MINDY2: variants seen among roughly 807,000 people sequenced by gnomAD.
The protein encoded by MINDY2 is ubiquitin carboxyl-terminal hydrolase MINDY-2.
A neutral mutation model predicts 68.2 loss-of-function variants in MINDY2; 52 were observed. That is an observed-to-expected ratio of 0.76 (90% confidence interval 0.61 to 0.96). The LOEUF is 0.96. Ranked by LOEUF, MINDY2 falls within the 40% of genes least tolerant of loss-of-function variation. The pLI, the probability that MINDY2 is intolerant of heterozygous loss-of-function variation, is 0.00. For missense variants in MINDY2, 881 were observed against 773.4 expected (o/e 1.14, Z -1.65); for synonymous variants, 372 against 303.0 (o/e 1.23, Z -2.36).
At chr15:58,831,111 A>G (rs1158125742) in intron 5 of MINDY2, among the ~76,000 whole-genome samples, 3 of 150,762 alleles carry the variant, frequency 2.0e-5, no homozygotes, top group African/African-American at 7.3e-5. Context: ...GTATTTCAAA[A>G]ACAAAAGCCA....
At chr15:58,814,531 A>G (rs546404035) in intron 4 of MINDY2, among the ~76,000 whole-genome samples, 1 of 151,802 alleles carries the variant, frequency 6.6e-6, no homozygotes, top group Admixed American at 6.6e-5. Flanking sequence ...GGCACATGCC[A>G]CCATACCCTG....
intron 4 of MINDY2, among the ~76,000 whole-genome samples, chr15:58,814,204 T>G (rs1432666546): frequency 1.3e-5 from 2 of 152,156 alleles, no homozygotes; most frequent in African/African-American, 4.8e-5. Flanking sequence ...CCTCCCAGAG[T>G]GCTGCGATTA....
chr15:58,816,173 C>CT (rs1272758964), intron 4 of MINDY2, among the ~76,000 whole-genome samples: 3 of 151,968 alleles, frequency 2.0e-5, no homozygotes, highest in Non-Finnish European at 4.4e-5. Flanking sequence ...CTTGGCAGTG[C>CT]TTTTTTTTCA....
chr15:58,776,313 C>T (rs1035305674), intron 1 of MINDY2, among the ~76,000 whole-genome samples: 10 of 152,052 alleles, frequency 6.6e-5, no homozygotes, highest in African/African-American at 2.4e-4. Flanking sequence ...CCTCAGTCTC[C>T]CCATTCCCTC....
chr15:58,830,775 G>A lies in MINDY2; in HGVS notation c.1226-999G>A, dbSNP rs1230867801. Among the ~76,000 whole-genome samples the A allele has an allele frequency of 2.6e-5, 4 of 152,156 alleles. No individual in the cohort carries two copies. In the East Asian group the frequency reaches 5.8e-4, roughly 22 times the overall value. On this transcript the variant is annotated intron_variant, in intron 5 of 8. Coordinates refer to ENST00000559228, the MANE Select transcript of MINDY2 (RefSeq NM_001040450.3). The stretch of plus-strand genomic sequence containing the variant: ...ATGGCACTAAATAGACCATGAAAGG[G>A]ACACTTGTTTACAGTATGCGAGAGA...
intron 6 of MINDY2, among the ~76,000 whole-genome samples, chr15:58,842,445 T>C (rs1268886558): frequency 6.6e-6 from 1 of 152,202 alleles, no homozygotes; most frequent in Non-Finnish European, 1.5e-5. Context: ...ACTAAGGCCA[T>C]AGTGGAAATT....
In MINDY2 at chr15:58,857,716, T is replaced by C. The variant is rs1442620870; in HGVS notation, c.*3106T>C. On this transcript the variant is annotated 3_prime_UTR_variant, in exon 9 of 9. Transcript: ENST00000559228. ...TACTTGAAAATTCTTAGATGTATAC[T>C]GCTAACAAAAGTTAGAACTTAAACA... is the stretch of plus-strand genomic sequence containing the variant. 1.3e-5 allele frequency: 2 copies of C among 152,196 alleles called. No homozygotes were observed. The highest frequency in any genetic ancestry group is 4.8e-5 in the African/African-American group (2 of 41,456). 9.4% of individuals were successfully genotyped at this position (152,196 alleles called of 1,614,324 possible).
intron 2 of MINDY2, among the ~76,000 whole-genome samples, chr15:58,791,659 T>TGC (rs1428698126): frequency 7.0e-6 from 1 of 142,048 alleles, no homozygotes. Context: ...TGTGTGTGTG[T>TGC]GTATGTGTGT....
intron 6 of MINDY2, among the ~76,000 whole-genome samples, chr15:58,842,259 G>A (rs1376950591): frequency 6.6e-6 from 1 of 151,994 alleles, no homozygotes; most frequent in Non-Finnish European, 1.5e-5. Flanking sequence ...TTGTTTTGTT[G>A]TTGTTATTTC....
intron 1 of MINDY2, among the ~76,000 whole-genome samples, chr15:58,777,988 T>G (rs1361826029): frequency 6.6e-6 from 1 of 152,206 alleles, no homozygotes; most frequent in African/African-American, 2.4e-5. Flanking sequence ...TAAGTGCTAT[T>G]TATAGGTTTA....
At chr15:58,831,358 A>AAAACACCT (rs2031719191) in intron 5 of MINDY2, among the ~76,000 whole-genome samples, 1 of 152,130 alleles carries the variant, frequency 6.6e-6, no homozygotes, top group African/African-American at 2.4e-5. Context: ...TTTTAATTTG[A>AAAACACCT]AAACACCTTG....
intron 8 of MINDY2, among the ~76,000 whole-genome samples, chr15:58,853,423 C>G (rs2032928150): frequency 6.6e-6 from 1 of 152,078 alleles, no homozygotes; most frequent in African/African-American, 2.4e-5. Context: ...ATAGTTAAAT[C>G]CTACCATGTT....
intron 3 of MINDY2, 50 bp from the exon 4 acceptor site, chr15:58,810,179 GT>G: frequency 6.8e-7 from 1 of 1,468,944 alleles, no homozygotes; most frequent in South Asian, 1.3e-5. Context: ...TATCTTTTTT[GT>G]TCTCGTTTTG....
Position 58,810,480 on chromosome 15 carries a change from A to G in MINDY2, c.1122+92A>G, listed in dbSNP as rs371066566. On this transcript the variant is annotated intron_variant, in intron 4 of 8. Coordinates refer to ENST00000559228, the MANE Select transcript of MINDY2 (RefSeq NM_001040450.3). ...TCTCAATTTATATTTTTTGTTACTT[A>G]CTTTTTTTGTACTTTTGCCTGGAAT... 8.3e-4 allele frequency: 1,051 copies of G among 1,266,462 alleles called. 19 individuals carry two copies. In the South Asian group the frequency reaches 0.016, roughly 20 times the overall value. 78.5% of individuals were successfully genotyped at this position (1,266,462 alleles called of 1,614,324 possible). A position where few individuals can be genotyped will look rare whatever the true frequency, so the allele number is the denominator to read the frequency against.
In MINDY2 at chr15:58,816,206, G is replaced by A. The variant is rs910696759; in HGVS notation, c.1123-5511G>A. Among the ~76,000 whole-genome samples the A allele has an allele frequency of 2.6e-5, 4 of 152,232 alleles. No individual in the cohort carries two copies. The South Asian group carries it at 8.3e-4, about 32-fold the overall frequency. On this transcript the variant is annotated intron_variant, in intron 4 of 8. Coordinates refer to ENST00000559228, the MANE Select transcript of MINDY2 (RefSeq NM_001040450.3). Reference sequence around the variant, plus strand: ...TCATCTCTGTCCATTGGTAAAAGCTGCTGGGATTCAGGAGAATGGAAGGAT... The same window carrying A: ...TCATCTCTGTCCATTGGTAAAAGCTACTGGGATTCAGGAGAATGGAAGGAT...
At chr15:58,837,532 A>C (rs2032050765) in intron 6 of MINDY2, among the ~76,000 whole-genome samples, 1 of 142,232 alleles carries the variant, frequency 7.0e-6, no homozygotes, top group African/African-American at 2.8e-5. Flanking sequence ...GTGAGCCATG[A>C]TGGCACCAAA....
intron 6 of MINDY2, among the ~76,000 whole-genome samples, chr15:58,843,742 G>A (rs188561416): frequency 0.016 from 2,421 of 149,788 alleles, 69 homozygotes; most frequent in African/African-American, 0.057. Context: ...GCTGAGGCAG[G>A]AGAATGGCGT....
chr15:58,783,437 A>T lies in MINDY2; in HGVS notation c.841-4469A>T, dbSNP rs1454638983. 2.6e-5 allele frequency among the ~76,000 whole-genome samples: 4 copies of T among 152,176 alleles called. No homozygotes were observed. In the East Asian group the frequency reaches 7.7e-4, roughly 29 times the overall value. On this transcript the variant is annotated intron_variant, in intron 1 of 8. Transcript: ENST00000559228. ...CTACATAAACTGCTTCTTATTTCTTAGTTATTGCTGAGTCCCCTGCATTTA... is the reference window on the plus strand; with the variant it reads ...CTACATAAACTGCTTCTTATTTCTTTGTTATTGCTGAGTCCCCTGCATTTA...
chr15:58,832,106 A>T (rs538754883), intron 6 of MINDY2, among the ~76,000 whole-genome samples, 190 bp downstream of exon 6: 63 of 152,246 alleles, frequency 4.1e-4, no homozygotes, highest in African/African-American at 1.5e-3. Context: ...ATTACCTCAA[A>T]TCACTTTTTG....
Sources: gnomAD v4.1 joint callset for allele counts (sites outside exome capture counted in the v4.1 genomes callset) on GRCh38, gnomAD v4.1.1 for gene constraint, MANE v1.5 for transcripts, NCBI Gene and HGNC (gene_info 2026-07-23, HGNC 2026-07-21) for gene names.